HPSE2: variants seen among roughly 807,000 people sequenced by gnomAD.
The protein encoded by HPSE2 is heparanase 2 (inactive), also known as inactive heparanase-2.
Under a neutral mutation model 60.5 loss-of-function variants are expected in HPSE2, and 38 were observed. The ratio of observed to expected loss-of-function variants is 0.63; its 90% CI spans 0.48 to 0.82. HPSE2 has a LOEUF of 0.82. Among genes scored for constraint, HPSE2 ranks in the 40% least tolerant of loss-of-function variants. The pLI is 0.00. For missense variants in HPSE2, 713 were observed against 740.4 expected (o/e 0.96, Z 0.43); for synonymous variants, 295 against 293.2 (o/e 1.01, Z -0.06).
chr10:99,052,724 C>T (rs2135503566), intron 3 of HPSE2, among the ~76,000 whole-genome samples: 1 of 152,030 alleles, frequency 6.6e-6, no homozygotes, highest in East Asian at 1.9e-4. Flanking sequence ...ACTGACTCCT[C>T]ACTGTAAAGA....
chr10:99,204,381 A>G (rs1392312271), intron 2 of HPSE2, among the ~76,000 whole-genome samples: 1 of 152,208 alleles, frequency 6.6e-6, no homozygotes, highest in Non-Finnish European at 1.5e-5. Context: ...ACCTTCCCTG[A>G]ATCTCTGGAC....
chr10:98,779,636 T>C (rs1391219099), intron 3 of HPSE2, among the ~76,000 whole-genome samples: 1 of 152,196 alleles, frequency 6.6e-6, no homozygotes, highest in Non-Finnish European at 1.5e-5. Context: ...TATTTTAAAA[T>C]GTTCTTAGAT....
At chr10:98,737,163 A>G (rs1019233330) in intron 4 of HPSE2, among the ~76,000 whole-genome samples, 4 of 152,200 alleles carry the variant, frequency 2.6e-5, no homozygotes, top group Non-Finnish European at 5.9e-5. Context: ...ACCTACCCTC[A>G]TAAATAATTG....
intron 3 of HPSE2, among the ~76,000 whole-genome samples, chr10:98,838,793 G>A (rs547475107): frequency 6.6e-6 from 1 of 152,162 alleles, no homozygotes; most frequent in Non-Finnish European, 1.5e-5. Context: ...TGATTACAAA[G>A]GAATGTGGGA....
chr10:98,617,975 A>G (rs1407703160), intron 8 of HPSE2, among the ~76,000 whole-genome samples: 1 of 152,162 alleles, frequency 6.6e-6, no homozygotes, highest in Non-Finnish European at 1.5e-5. Flanking sequence ...AAAAGGCTGG[A>G]AAAATGCCGT....
At chr10:98,843,185 C>A (rs2134699287) in intron 3 of HPSE2, among the ~76,000 whole-genome samples, 1 of 152,048 alleles carries the variant, frequency 6.6e-6, no homozygotes, top group African/African-American at 2.4e-5. Context: ...ACTCTTCCTC[C>A]TCCTCCTCCC....
intron 9 of HPSE2, among the ~76,000 whole-genome samples, chr10:98,530,663 G>A (rs1010927580): frequency 6.6e-6 from 1 of 152,210 alleles, no homozygotes; most frequent in African/African-American, 2.4e-5. Context: ...TGTGTGGAAT[G>A]TGTCTGCTCT....
At chr10:98,918,910 T>C (rs1237389783) in intron 3 of HPSE2, among the ~76,000 whole-genome samples, 1 of 152,130 alleles carries the variant, frequency 6.6e-6, no homozygotes, top group East Asian at 1.9e-4. Flanking sequence ...ACAAAGAATG[T>C]AACTCAATTT....
chr10:98,713,931 C>T (rs978721314), intron 5 of HPSE2, among the ~76,000 whole-genome samples: 3 of 151,818 alleles, frequency 2.0e-5, no homozygotes, highest in African/African-American at 7.3e-5. Flanking sequence ...AAGGATATCA[C>T]CCCTCACATA....
At chr10:98,568,397 A>T (rs930766681) in intron 9 of HPSE2, among the ~76,000 whole-genome samples, 12 of 152,172 alleles carry the variant, frequency 7.9e-5, no homozygotes, top group African/African-American at 2.9e-4. Flanking sequence ...GCACCAAGAA[A>T]GTCCCTAGGT....
chr10:98,986,000 T>C (rs1447945780), intron 3 of HPSE2, among the ~76,000 whole-genome samples: 1 of 152,094 alleles, frequency 6.6e-6, no homozygotes, highest in Non-Finnish European at 1.5e-5. Flanking sequence ...AGCAAGTCCT[T>C]AGAGACCTAC....
chr10:99,043,191 T>C (rs919986893), intron 3 of HPSE2, among the ~76,000 whole-genome samples: 7 of 152,088 alleles, frequency 4.6e-5, no homozygotes, highest in Non-Finnish European at 7.4e-5. Flanking sequence ...CAATGGTTCT[T>C]AAACAGCTGG....
chr10:99,198,678 G>A (rs577085626), intron 2 of HPSE2, among the ~76,000 whole-genome samples: 1 of 152,060 alleles, frequency 6.6e-6, no homozygotes, highest in Admixed American at 6.5e-5. Flanking sequence ...GGCTATGATG[G>A]AAATTTTTTA....
chr10:98,856,950 A>C (rs1394586120), intron 3 of HPSE2, among the ~76,000 whole-genome samples: 2 of 152,304 alleles, frequency 1.3e-5, no homozygotes, highest in African/African-American at 4.8e-5. Context: ...CCGATGGGCA[A>C]TCTAGTTTTT....
chr10:98,649,427 C>T (rs371231837), intron 6 of HPSE2, among the ~76,000 whole-genome samples: 1 of 152,262 alleles, frequency 6.6e-6, no homozygotes, highest in East Asian at 1.9e-4. Flanking sequence ...AACCAGAGAT[C>T]ATATAGGTAC....
Position 99,154,111 on chromosome 10 carries a change from C to G in HPSE2, c.449-9712G>C, listed in dbSNP as rs1846414920. On this transcript the variant is annotated intron_variant, in intron 2 of 11. Coordinates refer to ENST00000370552, the MANE Select transcript of HPSE2 (RefSeq NM_021828.5). ...GAAATATGAGACTATGTGAAAAGAC[C>G]AAATCTACGTCTGATTGGTGTACCT... Among the ~76,000 whole-genome samples the G allele has an allele frequency of 2.0e-5, 3 of 147,086 alleles. No individual in the cohort carries two copies. The South Asian group carries it at 6.7e-4, about 33-fold the overall frequency.
At chr10:98,815,289 A>G (rs78075058) in intron 3 of HPSE2, among the ~76,000 whole-genome samples, 1 of 152,178 alleles carries the variant, frequency 6.6e-6, no homozygotes, top group African/African-American at 2.4e-5. Flanking sequence ...CTCGAAAAAA[A>G]TCAGTTTGAA....
At chr10:98,731,639 G>A (rs564131204) in intron 4 of HPSE2, among the ~76,000 whole-genome samples, 1 of 152,242 alleles carries the variant, frequency 6.6e-6, no homozygotes, top group South Asian at 2.1e-4. Context: ...TTGATAAAGC[G>A]TATCTAAGAA....
chr10:98,793,208 C>T (rs1185671123), intron 3 of HPSE2, among the ~76,000 whole-genome samples: 1 of 152,228 alleles, frequency 6.6e-6, no homozygotes, highest in East Asian at 1.9e-4. Context: ...TCTCCCTAAG[C>T]CTTATGCATG....
Sources: allele counts gnomAD v4.1 joint callset (sites outside exome capture counted in the v4.1 genomes callset), GRCh38; gene constraint gnomAD v4.1.1; transcripts MANE v1.5; gene names NCBI Gene and HGNC (gene_info 2026-07-23, HGNC 2026-07-21).